The following PPP2R2C variants were observed in gnomAD, a reference collection of about 807,000 sequenced individuals.
The protein encoded by PPP2R2C is protein phosphatase 2, regulatory subunit B, gamma.
A neutral mutation model predicts 45.3 loss-of-function variants in PPP2R2C; 10 were observed. The ratio of observed to expected loss-of-function variants is 0.22; its 90% confidence interval spans 0.14 to 0.37. The LOEUF (loss-of-function observed/expected upper bound fraction) is 0.37, where lower values mean the gene tolerates loss of function less well. Ranked by LOEUF, PPP2R2C falls within the 10% of genes least tolerant of loss-of-function variation. PPP2R2C has a pLI of 1.00. For synonymous variants in PPP2R2C, 257 were observed against 245.4 expected (o/e 1.05, Z -0.44); for missense variants, 308 against 619.7 (o/e 0.50, Z 5.34).
At chr4:6,508,657 C>T (rs1043127192) in intron 2 of PPP2R2C, among the ~76,000 whole-genome samples, 3 of 152,128 alleles carry the variant, frequency 2.0e-5, no homozygotes, top group African/African-American at 7.2e-5. Flanking sequence ...CTGACAGGAT[C>T]TGAGTTGGGC....
At chr4:6,375,988 G>A in intron 3 of PPP2R2C, 57 bp from the exon 4 acceptor site, 1 of 1,390,630 alleles carries the variant, frequency 7.2e-7, no homozygotes, top group Non-Finnish European at 1.0e-6. Context: ...GGATGGAAGA[G>A]AAGATCCACT....
At chr4:6,472,019 G>GGGGTGGGA (rs1721920386) in intron 1 of PPP2R2C, 141 bp downstream of exon 1, 1 of 1,052,682 alleles carries the variant, frequency 9.5e-7, no homozygotes, top group African/African-American at 1.6e-5. Flanking sequence ...ATGGGGTGGG[G>GGGGTGGGA]TGGGGTGGGA....
chr4:6,448,372 C>T (rs1720544713), intron 1 of PPP2R2C, among the ~76,000 whole-genome samples: 2 of 152,026 alleles, frequency 1.3e-5, no homozygotes, highest in South Asian at 2.1e-4. Context: ...GGTATTGGAG[C>T]GGGATCCAGA....
intron 2 of PPP2R2C, chr4:6,523,401 A>G (rs1299385594): frequency 6.6e-6 from 1 of 152,210 alleles, no homozygotes; most frequent in Non-Finnish European, 1.5e-5. Context: ...CAAAAAGACA[A>G]ACAACCCAAT....
At chr4:6,548,382 C>T (rs1725066727) in intron 1 of PPP2R2C, among the ~76,000 whole-genome samples, 1 of 152,214 alleles carries the variant, frequency 6.6e-6, no homozygotes, top group Admixed American at 6.5e-5. Flanking sequence ...CTCCCATCCT[C>T]ACAGCCACCA....
At position 6,391,189 on chromosome 4, in the gene PPP2R2C, C is replaced by T. The variant is rs904925979; in HGVS notation, c.71-10095G>A. On this transcript the variant is annotated intron_variant, in intron 1 of 8. Transcript: ENST00000382599. Reference sequence around the variant, plus strand: ...CAGGATCTGCCTGTCAGGGCTCTGCCGCCCTGGCCTCTGGCAGGAGCCTGG... The same window carrying T: ...CAGGATCTGCCTGTCAGGGCTCTGCTGCCCTGGCCTCTGGCAGGAGCCTGG... 3.9e-5 allele frequency among the ~76,000 whole-genome samples: 6 copies of T among 152,156 alleles called. No homozygotes were observed. The East Asian group carries it at 5.8e-4, about 15-fold the overall frequency.
rs576451079 is a variant in PPP2R2C at position 6,520,498 on chromosome 4, C to G, written c.49+14773G>C. The stretch of plus-strand genomic sequence containing the variant: ...TCAGGGTGACAAATGACCCACGTCA[C>G]ACACAGGCGAGGGGCTGCCTGAAAC... On this transcript the variant is annotated intron_variant, in intron 2 of 9. Coordinates refer to the PPP2R2C transcript ENST00000506140. Among the ~76,000 whole-genome samples, 7 of 152,344 alleles carry G rather than the reference C, an allele frequency of 4.6e-5. No individual in the cohort carries two copies. The South Asian group carries it at 1.4e-3, about 32-fold the overall frequency.
In PPP2R2C at chr4:6,458,358, A is replaced by G. The variant is rs189833582; in HGVS notation, c.70+13802T>C. 9.5e-4 allele frequency among the ~76,000 whole-genome samples: 145 copies of G among 152,344 alleles called. 1 individual carries two copies. The highest frequency in any genetic ancestry group is 1.5e-3 in the Non-Finnish European group (99 of 68,036). On this transcript the variant is annotated intron_variant, in intron 1 of 8. Transcript: ENST00000382599. ...GGCTGGAAGTCCAAGATCAAGGCAC[A>G]GCAGATTTGGTGTCCACTGAGGTCC...
chr4:6,350,364 T>C (rs1275920284), intron 5 of PPP2R2C: 10 of 985,328 alleles, frequency 1.0e-5, no homozygotes, highest in Non-Finnish European at 1.1e-5. Context: ...GTGCGGCCAC[T>C]GATGAAATGT....
chr4:6,413,472 T>TA (rs35854597), intron 1 of PPP2R2C, among the ~76,000 whole-genome samples: 18,640 of 152,244 alleles, frequency 0.12, 1,449 homozygotes, highest in Non-Finnish European at 0.18. Context: ...TTTCATCACT[T>TA]ATGGAGCATA....
intron 2 of PPP2R2C, among the ~76,000 whole-genome samples, chr4:6,514,941 T>C (rs1209884827): frequency 6.6e-6 from 1 of 152,114 alleles, no homozygotes; most frequent in East Asian, 1.9e-4. Flanking sequence ...TCTATCACCA[T>C]GTGGCCTTCT....
At chr4:6,429,693 G>A (rs182433082) in intron 1 of PPP2R2C, among the ~76,000 whole-genome samples, 2 of 152,310 alleles carry the variant, frequency 1.3e-5, no homozygotes, top group South Asian at 2.1e-4. Flanking sequence ...TTTTATGACC[G>A]TCTCAGAGTG....
chr4:6,402,191 G>A (rs778153291), intron 1 of PPP2R2C, among the ~76,000 whole-genome samples: 20 of 152,208 alleles, frequency 1.3e-4, no homozygotes, highest in Non-Finnish European at 2.8e-4. Context: ...AAGGTGCCCT[G>A]CTCAGGGTCA....
rs769660599 is a variant in PPP2R2C, at chr4:6,346,340, T to C, written c.790+1506A>G. On this transcript the variant is annotated intron_variant, in intron 6 of 8. Coordinates refer to ENST00000382599, the MANE Select transcript of PPP2R2C (RefSeq NM_020416.4). ...ATGTGTGGAGTCACGGCCACTGCAG[T>C]GCCCTCCTTCTCGAACATTCTTCCC... Among the ~76,000 whole-genome samples, 13 of 152,270 alleles carry C rather than the reference T, an allele frequency of 8.5e-5. No homozygotes were observed. The East Asian group carries it at 9.7e-4, about 11-fold the overall frequency.
intron 6 of PPP2R2C, among the ~76,000 whole-genome samples, chr4:6,347,315 C>T (rs1712063537): frequency 6.6e-6 from 1 of 152,114 alleles, no homozygotes; most frequent in Non-Finnish European, 1.5e-5. Flanking sequence ...GGAACTCGTT[C>T]AGCCCCAGAC....
At chr4:6,333,322 G>A (rs141288132) in intron 7 of PPP2R2C, among the ~76,000 whole-genome samples, 67 of 152,314 alleles carry the variant, frequency 4.4e-4, no homozygotes, top group Middle Eastern at 3.4e-3. Context: ...GAGGCCCCTG[G>A]GCCCTGGACT....
At position 6,325,508 on chromosome 4, in the gene PPP2R2C, G is replaced by A. The variant is rs904285289; in HGVS notation, c.1053-1915C>T. On this transcript the variant is annotated intron_variant, in intron 8 of 8. Transcript: ENST00000382599. ...GGAGGCAGCCCCCTTTGTTCTTCAG[G>A]GAACAGTTCACAGAATGAACCTGGG... Among the ~76,000 whole-genome samples the A allele has an allele frequency of 1.0e-3, 153 of 152,098 alleles. 1 individual carries two copies. Among genetic ancestry groups the A allele is most frequent in the Non-Finnish European group, 1.6e-4 (11 of 68,002 alleles).
chr4:6,389,708 C>T (rs1182722838), intron 1 of PPP2R2C, among the ~76,000 whole-genome samples: 1 of 152,164 alleles, frequency 6.6e-6, no homozygotes, highest in East Asian at 1.9e-4. Context: ...GAGCCAGGCC[C>T]CAGCTTTAGC....
At chr4:6,499,488 G>A (rs942997418) in intron 2 of PPP2R2C, among the ~76,000 whole-genome samples, 3 of 152,076 alleles carry the variant, frequency 2.0e-5, no homozygotes, top group African/African-American at 7.2e-5. Flanking sequence ...AAGACCAGAC[G>A]CTTGGCACCC....
Sources: gnomAD v4.1 joint callset for allele counts (sites outside exome capture counted in the v4.1 genomes callset) on GRCh38, gnomAD v4.1.1 for gene constraint, MANE v1.5 for transcripts, NCBI Gene and HGNC (gene_info 2026-07-23, HGNC 2026-07-21) for gene names.